The following LIPI variants were observed in gnomAD, a reference collection of about 807,000 sequenced individuals.
The protein encoded by LIPI is lipase member I.
Under a neutral mutation model 50.6 loss-of-function variants are expected in LIPI, and 59 were observed. The ratio of observed to expected loss-of-function variants is 1.16; its 90% CI spans 0.94 to 1.45. The LOEUF is 1.45. Among genes scored for constraint, LIPI ranks in the 40% most tolerant of loss-of-function variants. The probability of loss-of-function intolerance (pLI) is 0.00; values close to 1 mark genes in which losing one functional copy is unlikely to be tolerated. For synonymous variants in LIPI, 203 were observed against 178.2 expected, an observed-to-expected ratio of 1.14 and a Z score of -1.11; for missense variants, 586 against 536.3, an observed-to-expected ratio of 1.09 and a Z score of -0.92.
chr21:14,155,442 G>A (rs1423865829), intron 7 of LIPI, among the ~76,000 whole-genome samples: 4 of 151,682 alleles, frequency 2.6e-5, no homozygotes, highest in Non-Finnish European at 5.9e-5. Flanking sequence ...TAAATTTGGT[G>A]AAAAAAATAA....
intron 9 of LIPI, among the ~76,000 whole-genome samples, chr21:14,141,297 T>C (rs998575322): frequency 6.6e-6 from 1 of 152,070 alleles, no homozygotes; most frequent in Admixed American, 6.6e-5. Context: ...TATCTCCTTA[T>C]TCTATAAGTT....
intron 9 of LIPI, among the ~76,000 whole-genome samples, chr21:14,115,893 A>G (rs2016612282): frequency 6.6e-6 from 1 of 152,030 alleles, no homozygotes; most frequent in Non-Finnish European, 1.5e-5. Context: ...ATTTTGATGA[A>G]CCTCGTGTCC....
Position 14,189,222 on chromosome 21 carries a change from C to T in LIPI, c.244G>A (p.Gly82Arg), listed in dbSNP as rs774658122. The change falls in exon 2 of 10, where the codon GGA becomes AGA. Residue 82 changes from glycine to arginine, a missense_variant. Gly to Arg is a moderately radical substitution (Grantham distance 125). Coordinates refer to ENST00000681601, the MANE Select transcript of LIPI (RefSeq NM_001302998.2). ...TQKKTVWLIH[G>R]YRPVGSIPLW... ...GGGATGGAGCCTACTGGTCTGTATC[C>T]GTGAATAAGCCAGACTGTTTTCTTT... is the stretch of plus-strand genomic sequence containing the variant. 20 of 1,613,780 alleles carry T rather than the reference C, an allele frequency of 1.2e-5. No homozygotes were observed. Among genetic ancestry groups the T allele is most frequent in the African/African-American group, 2.7e-5 (2 of 74,898 alleles).
intron 7 of LIPI, among the ~76,000 whole-genome samples, chr21:14,161,378 T>C (rs2018455768): frequency 2.1e-5 from 3 of 143,142 alleles, no homozygotes; most frequent in African/African-American, 7.6e-5. Context: ...ATCTATTATA[T>C]ATGACATATA....
intron 1 of LIPI, among the ~76,000 whole-genome samples, chr21:14,191,502 G>A (rs1185857882): frequency 2.7e-5 from 4 of 148,594 alleles, no homozygotes; most frequent in African/African-American, 7.4e-5. Context: ...CTATTAAAAA[G>A]CAAAAAATAA....
chr21:14,115,066 A>C (rs563272440), intron 9 of LIPI, among the ~76,000 whole-genome samples: 1 of 152,126 alleles, frequency 6.6e-6, no homozygotes, highest in Non-Finnish European at 1.5e-5. Flanking sequence ...AGACATTTTT[A>C]CTTTTTCCTT....
chr21:14,165,390 C>A lies in LIPI; in HGVS notation c.734G>T (p.Gly245Val). The A allele has an allele frequency of 1.2e-6, 2 of 1,605,202 alleles. No homozygotes were observed. Among genetic ancestry groups the A allele is most frequent in the South Asian group, 1.1e-5 (1 of 90,252 alleles). Residue 245 changes from glycine to valine, a missense_variant and splice_region_variant, in exon 6 of 10, where the codon GGA becomes GTA. Transcript: ENST00000681601. ...GTGGTTGCATTTAATGAATTGAATT[C>A]CTTAAGGGTTAAAAAAAAAACAAAG... ...QPGCPKSIFS[G>V]IQFIKCNHQR...
chr21:14,196,357 A>G (rs2019852593), intron 1 of LIPI, among the ~76,000 whole-genome samples: 1 of 152,202 alleles, frequency 6.6e-6, no homozygotes, highest in Non-Finnish European at 1.5e-5. Flanking sequence ...GAAATTCTAT[A>G]AAAGAAATAT....
At chr21:14,166,315 A>T in intron 5 of LIPI, 47 bp downstream of exon 5, 5 of 1,048,954 alleles carry the variant, frequency 4.8e-6, no homozygotes, top group Non-Finnish European at 4.5e-6. Context: ...ATTTTCTTTC[A>T]TCATTTCGAA....
intron 7 of LIPI, among the ~76,000 whole-genome samples, chr21:14,158,559 GAAGAA>G (rs2018351059): frequency 6.7e-6 from 1 of 149,386 alleles, no homozygotes; most frequent in Admixed American, 6.7e-5. Flanking sequence ...AAATAGAGTA[GAAGAA>G]AAGATGTGTG....
chr21:14,127,431 G>A (rs1345029241), intron 9 of LIPI, among the ~76,000 whole-genome samples: 2 of 152,102 alleles, frequency 1.3e-5, no homozygotes, highest in Non-Finnish European at 1.5e-5. Context: ...ATGTATTTTA[G>A]TATTTTTTCC....
intron 9 of LIPI, among the ~76,000 whole-genome samples, chr21:14,117,692 C>T (rs2016704802): frequency 1.3e-5 from 2 of 152,132 alleles, no homozygotes; most frequent in African/African-American, 2.4e-5. Flanking sequence ...CCAGAAGTGG[C>T]AGGGAATCAG....
At chr21:14,169,177 T>C (rs977951700) in intron 4 of LIPI, among the ~76,000 whole-genome samples, 3 of 152,196 alleles carry the variant, frequency 2.0e-5, no homozygotes, top group Non-Finnish European at 2.9e-5. Flanking sequence ...CCTAAATGTA[T>C]ATGCACCCAA....
chr21:14,167,892 A>C (rs926663833), intron 4 of LIPI, among the ~76,000 whole-genome samples: 17 of 152,244 alleles, frequency 1.1e-4, no homozygotes, highest in African/African-American at 3.9e-4. Context: ...TGAGAGAAGA[A>C]GGCTTCAGAT....
chr21:14,120,287 C>T (rs918650000), intron 9 of LIPI, among the ~76,000 whole-genome samples: 6 of 152,160 alleles, frequency 3.9e-5, no homozygotes, highest in South Asian at 2.1e-4. Context: ...CGCCCCCTAG[C>T]GGTAGGAACC....
intron 1 of LIPI, among the ~76,000 whole-genome samples, chr21:14,198,300 C>A (rs935669299): frequency 2.0e-5 from 3 of 152,016 alleles, no homozygotes; most frequent in Non-Finnish European, 4.4e-5. Context: ...GGGATAAATG[C>A]CCCAATTGAA....
intron 9 of LIPI, chr21:14,143,713 C>G (rs1192219075): frequency 6.6e-6 from 1 of 152,066 alleles, no homozygotes; most frequent in Non-Finnish European, 1.5e-5. Flanking sequence ...GACAGATGAC[C>G]AACTTATAAA....
intron 7 of LIPI, among the ~76,000 whole-genome samples, chr21:14,158,585 T>C (rs991520478): frequency 1.1e-4 from 17 of 148,450 alleles, no homozygotes; most frequent in Non-Finnish European, 2.1e-4. Context: ...TGTAGAAATA[T>C]ATATTTTATA....
chr21:14,190,791 G>A (rs938181554), intron 1 of LIPI, among the ~76,000 whole-genome samples: 1 of 152,048 alleles, frequency 6.6e-6, no homozygotes, highest in African/African-American at 2.4e-5. Flanking sequence ...AAATTGTGTG[G>A]GAAATCTATA....
Sources: allele counts gnomAD v4.1 joint callset (sites outside exome capture counted in the v4.1 genomes callset), GRCh38; gene constraint gnomAD v4.1.1; transcripts MANE v1.5; gene names NCBI Gene and HGNC (gene_info 2026-07-23, HGNC 2026-07-21).